Variants in ZFP91 observed in about 807,000 individuals in gnomAD.
The protein encoded by ZFP91 is ZFP91 zinc finger protein, atypical E3 ubiquitin ligase, also known as E3 ubiquitin-protein ligase ZFP91.
Under a neutral mutation model 63.5 loss-of-function variants are expected in ZFP91, and 7 were observed. The ratio of observed to expected loss-of-function variants is 0.11; its 90% CI spans 0.06 to 0.21. The LOEUF is 0.21. Among genes scored for constraint, ZFP91 ranks in the 10% least tolerant of loss-of-function variants. The probability of loss-of-function intolerance (pLI) is 1.00; values close to 1 mark genes in which losing one functional copy is unlikely to be tolerated. For synonymous variants in ZFP91, 330 were observed against 272.1 expected (o/e 1.21, Z -2.10); for missense variants, 628 against 736.6 (o/e 0.85, Z 1.71).
chr11:58,582,337 G>C (rs1390800884), intron 1 of ZFP91, among the ~76,000 whole-genome samples: 2 of 152,090 alleles, frequency 1.3e-5, no homozygotes, highest in African/African-American at 4.8e-5. Flanking sequence ...CCCTGGTCTG[G>C]TATCTTTGAC....
Position 58,579,320 on chromosome 11 carries a change from G to A in ZFP91, c.39G>A (p.Gln13=). The part of the protein sequence containing the change: ...GETEEPRPPE[Q]QDQEGGEAAK... ...CGGAAGAGCCGAGACCCCCGGAGCA[G>A]CAGGACCAGGAAGGGGGAGAGGCGG... Residue 13 remains glutamine, a synonymous_variant, in exon 1 of 11, where the codon CAG becomes CAA. Coordinates refer to ENST00000316059, the MANE Select transcript of ZFP91 (RefSeq NM_053023.5). 2 of 1,493,636 alleles carry A rather than the reference G, an allele frequency of 1.3e-6. No homozygotes were observed. Among genetic ancestry groups the A allele is most frequent in the South Asian group, 1.3e-5 (1 of 79,324 alleles). 92.5% of individuals were successfully genotyped at this position (1,493,636 alleles called of 1,614,324 possible).
intron 2 of ZFP91, among the ~76,000 whole-genome samples, chr11:58,586,884 T>G (rs1415922853): frequency 1.3e-5 from 2 of 152,202 alleles, no homozygotes; most frequent in Non-Finnish European, 2.9e-5. Context: ...GGTTTTATTT[T>G]TTAGAGGTAA....
chr11:58,598,848 G>T (rs868652845), intron 2 of ZFP91, among the ~76,000 whole-genome samples: 1 of 151,752 alleles, frequency 6.6e-6, no homozygotes, highest in African/African-American at 2.4e-5. Flanking sequence ...ATACAATTCA[G>T]TGACATTTGG....
intron 1 of ZFP91, among the ~76,000 whole-genome samples, chr11:58,583,669 C>T (rs1855156291): frequency 6.6e-6 from 1 of 151,954 alleles, no homozygotes; most frequent in Non-Finnish European, 1.5e-5. Context: ...ATTATTTCTG[C>T]AGTTTTTATT....
At chr11:58,616,179 A>G (rs972942140) in intron 9 of ZFP91, among the ~76,000 whole-genome samples, 3 of 152,208 alleles carry the variant, frequency 2.0e-5, no homozygotes, top group Non-Finnish European at 2.9e-5. Context: ...CAGCAACTCC[A>G]GTCTTTTGAG....
chr11:58,602,591 A>G (rs182910345), intron 2 of ZFP91, among the ~76,000 whole-genome samples: 6 of 152,304 alleles, frequency 3.9e-5, no homozygotes, highest in African/African-American at 1.2e-4. Context: ...TTTGCCTGAT[A>G]TTAGTAGGGC....
Position 58,612,200 on chromosome 11 carries a change from TG to T in ZFP91, c.858-77del, listed in dbSNP as rs1855676613. 5 of 1,400,090 alleles carry T rather than the reference TG, an allele frequency of 3.6e-6. No homozygotes were observed. In the African/African-American group the frequency reaches 4.3e-5, roughly 12 times the overall value. 86.7% of individuals were successfully genotyped at this position (1,400,090 alleles called of 1,614,324 possible). A position where few individuals can be genotyped will look rare whatever the true frequency, so the allele number is the denominator to read the frequency against. ...CACTTGTTCTTTGGCCGTGTGTGTG[TG>T]TGTGTGTCTTCAGCCAGCCTTCACT... is the stretch of plus-strand genomic sequence containing the variant. On this transcript the variant is annotated intron_variant, in intron 6 of 10. Coordinates refer to ENST00000316059, the MANE Select transcript of ZFP91 (RefSeq NM_053023.5).
In ZFP91 at chr11:58,617,364, G is replaced by C; in HGVS notation, c.1371G>C (p.Leu457=). 6 of 1,613,882 alleles carry C rather than the reference G, an allele frequency of 3.7e-6. No homozygotes were observed. The highest frequency in any genetic ancestry group is 5.1e-6 in the Non-Finnish European group (6 of 1,179,918). Residue 457 remains leucine (L), a synonymous_variant, in exon 11 of 11, where the codon CTG becomes CTC. Coordinates refer to ENST00000316059, the MANE Select transcript of ZFP91 (RefSeq NM_053023.5). The surrounding 1 kb of genome is among the most constrained non-coding windows in gnomAD (Gnocchi z 4.2). ...AGGCAAAAAGCCACCCTGAGGTGCT[G>C]ATTGCAGAAGCTCTGGCTGCCAATG... The part of the protein sequence containing the change: ...AHKAKSHPEV[L]IAEALAANAG...
chr11:58,579,308 A>AC lies in ZFP91; in HGVS notation c.32dup (p.Glu12GlyfsTer24). The AC allele has an allele frequency of 6.7e-7, 1 of 1,482,714 alleles. No individual in the cohort carries two copies. The highest frequency in any genetic ancestry group is 2.4e-5 in the Admixed American group (1 of 41,124). The allele number at this position is 1,482,714 out of a possible 1,614,324, so 91.8% of individuals were successfully genotyped here. A position where few individuals can be genotyped will look rare whatever the true frequency, so the allele number is the denominator to read the frequency against. Reference sequence around the variant, plus strand: ...TGCCGGGGGAGACGGAAGAGCCGAGACCCCCGGAGCAGCAGGACCAGGAAG... The same window carrying AC: ...TGCCGGGGGAGACGGAAGAGCCGAGACCCCCCGGAGCAGCAGGACCAGGAAG... On this transcript the variant is annotated frameshift_variant, in exon 1 of 11. Coordinates refer to ENST00000316059, the MANE Select transcript of ZFP91 (RefSeq NM_053023.5). LOFTEE classifies it high-confidence loss of function.
chr11:58,601,642 T>C (rs912390166), intron 2 of ZFP91, among the ~76,000 whole-genome samples: 1 of 152,062 alleles, frequency 6.6e-6, no homozygotes, highest in Non-Finnish European at 1.5e-5. Flanking sequence ...TGTAGGCATT[T>C]ATATCTAGAA....
At chr11:58,606,158 T>C (rs1226449349) in intron 2 of ZFP91, among the ~76,000 whole-genome samples, 1 of 152,084 alleles carries the variant, frequency 6.6e-6, no homozygotes, top group Admixed American at 6.5e-5. Context: ...ACCTCCTGGG[T>C]TCAAGTGATT....
intron 2 of ZFP91, among the ~76,000 whole-genome samples, chr11:58,603,304 G>C (rs1442295571): frequency 1.3e-5 from 2 of 152,232 alleles, no homozygotes; most frequent in Non-Finnish European, 2.9e-5. Flanking sequence ...GCAAAAAGGA[G>C]CCAGCACTTG....
In ZFP91 at chr11:58,618,457, G is replaced by T. The variant is rs1364637177; in HGVS notation, c.*751G>T. ...ACAGTCTCTTTGACTGTAAGACAGG[G>T]CTCTGTATCAGTGAGACGATGAGAA... On this transcript the variant is annotated 3_prime_UTR_variant, in exon 11 of 11. Transcript: ENST00000316059. 2.8e-6 allele frequency: 1 copy of T among 356,760 alleles called. No homozygotes were observed. The allele number at this position is 356,760 out of a possible 1,614,324, so 22.1% of individuals were successfully genotyped here.
intron 2 of ZFP91, among the ~76,000 whole-genome samples, chr11:58,596,364 CT>C (rs1565219337): frequency 6.6e-6 from 1 of 152,104 alleles, no homozygotes. Flanking sequence ...TGCCTGACTT[CT>C]TTTTTGCTTT....
At chr11:58,594,165 C>T (rs1565218388) in intron 2 of ZFP91, among the ~76,000 whole-genome samples, 1 of 152,144 alleles carries the variant, frequency 6.6e-6, no homozygotes, top group Non-Finnish European at 1.5e-5. Context: ...CCTGGAAGGA[C>T]CTTGTTAGAC....
Position 58,617,855 on chromosome 11 carries a change from C to CA in ZFP91, c.*150dup, listed in dbSNP as rs1855775966. The CA allele has an allele frequency of 2.0e-6, 2 of 1,014,964 alleles. No individual in the cohort carries two copies. The highest frequency in any genetic ancestry group is 2.6e-6 in the Non-Finnish European group (2 of 764,370). The allele number at this position is 1,014,964 out of a possible 1,614,324, so 62.9% of individuals were successfully genotyped here. ...GTGGATCACAGCACACACATACATACACCCTCCACCTCCCCATCCCCTGTT... is the reference window on the plus strand; with the variant it reads ...GTGGATCACAGCACACACATACATACAACCCTCCACCTCCCCATCCCCTGTT... On this transcript the variant is annotated 3_prime_UTR_variant, in exon 11 of 11. Coordinates refer to ENST00000316059, the MANE Select transcript of ZFP91 (RefSeq NM_053023.5). The surrounding 1 kb of genome is among the most constrained non-coding windows in gnomAD (Gnocchi z 4.2).
intron 2 of ZFP91, among the ~76,000 whole-genome samples, chr11:58,589,656 C>G (rs879534979): frequency 2.0e-5 from 3 of 152,106 alleles, no homozygotes; most frequent in Non-Finnish European, 4.4e-5. Context: ...TTTGTTTGTC[C>G]TTCCTTCCTA....
At chr11:58,607,300 C>T (rs1226394253) in intron 2 of ZFP91, among the ~76,000 whole-genome samples, 1 of 152,148 alleles carries the variant, frequency 6.6e-6, no homozygotes, top group East Asian at 1.9e-4. Flanking sequence ...AAAAGTCCTT[C>T]ATTATTAATC....
intron 2 of ZFP91, among the ~76,000 whole-genome samples, chr11:58,592,169 G>A (rs1193787009): frequency 7.0e-6 from 1 of 142,934 alleles, no homozygotes; most frequent in Non-Finnish European, 1.5e-5. Context: ...TGCAGCCTCT[G>A]CCTCCTGGGT....
Sources: allele counts gnomAD v4.1 joint callset (sites outside exome capture counted in the v4.1 genomes callset), GRCh38; gene constraint gnomAD v4.1.1; non-coding constraint Gnocchi (gnomAD v3.1); transcripts MANE v1.5; gene names NCBI Gene and HGNC (gene_info 2026-07-23, HGNC 2026-07-21).